CDH13: variants seen among roughly 807,000 people sequenced by gnomAD.
The protein encoded by CDH13 is cadherin-13.
CDH13 carries 24 observed loss-of-function variants against 63.8 expected under a neutral mutation model. The ratio of observed to expected loss-of-function variants is 0.38; its 90% CI spans 0.27 to 0.53. CDH13 has a LOEUF of 0.53. CDH13 is among the 20% of genes least tolerant of loss of function. CDH13 has a pLI of 0.85. For synonymous variants in CDH13, 503 were observed against 355.3 expected (o/e 1.42, Z -4.67); for missense variants, 1,049 against 903.1 (o/e 1.16, Z -2.07).
intron 10 of CDH13, among the ~76,000 whole-genome samples, chr16:83,691,489 A>C (rs932450915): frequency 1.3e-5 from 2 of 152,114 alleles, no homozygotes; most frequent in Non-Finnish European, 2.9e-5. Flanking sequence ...CACATGAGGC[A>C]CTGCTTCCTG....
chr16:83,768,909 C>G (rs558884115), intron 11 of CDH13, among the ~76,000 whole-genome samples: 1 of 152,322 alleles, frequency 6.6e-6, no homozygotes, highest in East Asian at 1.9e-4. Context: ...CTATCTCATC[C>G]TGTGACTTAG....
chr16:83,326,457 A>T (rs2090365075), intron 5 of CDH13, among the ~76,000 whole-genome samples: 1 of 150,910 alleles, frequency 6.6e-6, no homozygotes, highest in South Asian at 2.1e-4. Context: ...TTTGAATGAG[A>T]ATATTCCTCT....
At chr16:83,247,514 G>C (rs1905092815) in intron 5 of CDH13, among the ~76,000 whole-genome samples, 1 of 151,370 alleles carries the variant, frequency 6.6e-6, no homozygotes, top group Non-Finnish European at 1.5e-5. Context: ...TTAATTAACA[G>C]TGTCTGTTAA....
chr16:83,491,484 T>C (rs2151571036), intron 7 of CDH13, among the ~76,000 whole-genome samples: 1 of 152,310 alleles, frequency 6.6e-6, no homozygotes, highest in East Asian at 1.9e-4. Context: ...TCTTGGCTGC[T>C]AGACTGAAAT....
At chr16:83,625,692 A>G (rs1910233206) in intron 8 of CDH13, among the ~76,000 whole-genome samples, 1 of 152,212 alleles carries the variant, frequency 6.6e-6, no homozygotes, top group Non-Finnish European at 1.5e-5. Context: ...CATCTGACCC[A>G]TCGTCCCCTG....
intron 8 of CDH13, among the ~76,000 whole-genome samples, chr16:83,626,911 G>C (rs956616586): frequency 6.6e-6 from 1 of 151,998 alleles, no homozygotes; most frequent in Non-Finnish European, 1.5e-5. Flanking sequence ...TTCTGCCTTG[G>C]TGTTCTGACA....
At chr16:83,253,357 G>C (rs930772510) in intron 5 of CDH13, among the ~76,000 whole-genome samples, 3 of 152,206 alleles carry the variant, frequency 2.0e-5, no homozygotes, top group Admixed American at 6.5e-5. Context: ...CATTGCGTGA[G>C]TGTGGCTCTA....
At chr16:82,695,600 C>T (rs2030188777) in intron 1 of CDH13, among the ~76,000 whole-genome samples, 1 of 152,160 alleles carries the variant, frequency 6.6e-6, no homozygotes, top group East Asian at 1.9e-4. Context: ...GTTAGGTATT[C>T]TCTGGGTCCA....
chr16:83,188,726 T>G (rs1302990246), intron 4 of CDH13, among the ~76,000 whole-genome samples: 1 of 152,258 alleles, frequency 6.6e-6, no homozygotes, highest in African/African-American at 2.4e-5. Flanking sequence ...TTTGTGTATT[T>G]AAAAAGACTA....
At chr16:83,150,044 T>A (rs575214971) in intron 4 of CDH13, among the ~76,000 whole-genome samples, 3 of 152,330 alleles carry the variant, frequency 2.0e-5, no homozygotes, top group Admixed American at 2.0e-4. Context: ...CACATTCACC[T>A]GTAAGACTGA....
At chr16:83,295,268 T>C (rs1022643627) in intron 5 of CDH13, among the ~76,000 whole-genome samples, 1 of 152,122 alleles carries the variant, frequency 6.6e-6, no homozygotes, top group Non-Finnish European at 1.5e-5. Flanking sequence ...CTTGAAACTA[T>C]GAAACAACTG....
chr16:83,751,159 C>G (rs896202889), intron 11 of CDH13, among the ~76,000 whole-genome samples: 13 of 152,254 alleles, frequency 8.5e-5, no homozygotes, highest in African/African-American at 3.1e-4. Context: ...ATGCCCAGCA[C>G]CTACCATGGT....
chr16:83,665,915 T>C (rs1212290632), intron 8 of CDH13, among the ~76,000 whole-genome samples: 1 of 152,206 alleles, frequency 6.6e-6, no homozygotes, highest in East Asian at 1.9e-4. Flanking sequence ...TTGTGGCTCA[T>C]CCAGGCAGCC....
chr16:82,775,487 A>G (rs761558158), intron 1 of CDH13, among the ~76,000 whole-genome samples: 7 of 152,192 alleles, frequency 4.6e-5, no homozygotes, highest in Non-Finnish European at 8.8e-5. Flanking sequence ...AATCGCTAAC[A>G]TTTACTGACA....
At chr16:83,544,900 TC>T (rs1420306071) in intron 7 of CDH13, among the ~76,000 whole-genome samples, 1 of 152,212 alleles carries the variant, frequency 6.6e-6, no homozygotes, top group Non-Finnish European at 1.5e-5. Flanking sequence ...AAATGTTAGT[TC>T]TTCTCCCCGT....
intron 1 of CDH13, among the ~76,000 whole-genome samples, chr16:82,672,091 G>C (rs759729998): frequency 2.0e-5 from 3 of 152,198 alleles, no homozygotes; most frequent in Non-Finnish European, 4.4e-5. Context: ...TAACAACGCA[G>C]TCTTTGAAGC....
At chr16:83,246,773 C>T (rs911435338) in intron 5 of CDH13, among the ~76,000 whole-genome samples, 1 of 152,172 alleles carries the variant, frequency 6.6e-6, no homozygotes, top group Non-Finnish European at 1.5e-5. Flanking sequence ...TTGCTGAAAC[C>T]ATTGATGCTT....
At chr16:82,753,654 T>C (rs1378434321) in intron 1 of CDH13, among the ~76,000 whole-genome samples, 1 of 152,220 alleles carries the variant, frequency 6.6e-6, no homozygotes, top group African/African-American at 2.4e-5. Context: ...TAGTGCCAAA[T>C]TGTAGGTCTT....
chr16:83,102,278 T>A (rs142045781), intron 3 of CDH13, among the ~76,000 whole-genome samples: 1 of 152,158 alleles, frequency 6.6e-6, no homozygotes, highest in African/African-American at 2.4e-5. Flanking sequence ...AGATAATAAA[T>A]GTGTGTTGTT....
Sources: allele counts gnomAD v4.1 joint callset (sites outside exome capture counted in the v4.1 genomes callset), GRCh38; gene constraint gnomAD v4.1.1; transcripts MANE v1.5; gene names NCBI Gene and HGNC (gene_info 2026-07-23, HGNC 2026-07-21).